ZP4: variants seen among roughly 807,000 people sequenced by gnomAD.
ZP4 encodes the protein zona pellucida sperm-binding protein 4.
Under a neutral mutation model 62.3 loss-of-function variants are expected in ZP4, and 62 were observed. The ratio of observed to expected loss-of-function variants is 0.99; its 90% CI spans 0.81 to 1.23. ZP4 has a LOEUF of 1.23. Among genes scored for constraint, ZP4 ranks in the 50% most tolerant of loss-of-function variants. The probability of loss-of-function intolerance (pLI) is 0.00; values close to 1 mark genes in which losing one functional copy is unlikely to be tolerated. For missense variants in ZP4, 774 were observed against 656.0 expected (o/e 1.18, Z -1.97); for synonymous variants, 289 against 247.3 (o/e 1.17, Z -1.58).
Position 237,885,749 on chromosome 1 carries a change from G to T in ZP4, c.970+7C>A. ...TAGGCCAGATACTCCAGCCAAGGGG[G>T]TCATACCTTTGGCAATCTGAAGTTC... On this transcript the variant is annotated splice_region_variant and intron_variant, in intron 7 of 11. Coordinates refer to ENST00000366570, the MANE Select transcript of ZP4 (RefSeq NM_021186.5). 1 of 1,613,990 alleles carries T rather than the reference G, an allele frequency of 6.2e-7. No individual in the cohort carries two copies. Among genetic ancestry groups the T allele is most frequent in the Non-Finnish European group, 8.5e-7 (1 of 1,179,958 alleles).
In ZP4 at chr1:237,885,197, G is replaced by C. The variant is rs762924554; in HGVS notation, c.1279C>G (p.Pro427Ala). The change falls in exon 9 of 12, where the codon CCT (proline) becomes GCT (alanine). Residue 427 changes from proline (P) to alanine (A), a missense_variant. Physicochemically the swap from Pro to Ala is conservative, Grantham distance 27. Coordinates refer to ENST00000366570, the MANE Select transcript of ZP4 (RefSeq NM_021186.5). ...CTGAGGGCCTGTTTCTCCACTGTAG[G>C]GTTCACAAAGCTGAAGGTGAAGATG... The part of the protein sequence containing the change: ...FSIFTFSFVN[P>A]TVEKQALRGP... The C allele has an allele frequency of 3.7e-6, 6 of 1,614,114 alleles. No homozygotes were observed. The South Asian group carries it at 6.6e-5, about 18-fold the overall frequency.
At chr1:237,882,924 G>A (rs1664950755) in intron 10 of ZP4, 78 bp from the exon 11 acceptor site, 3 of 1,218,562 alleles carry the variant, frequency 2.5e-6, no homozygotes, top group Non-Finnish European at 3.5e-6. Context: ...ATGGTGCAAG[G>A]CCAAGTGTCT....
intron 7 of ZP4, 30 bp from the exon 8 acceptor site, chr1:237,885,610 T>G: frequency 2.5e-6 from 4 of 1,606,914 alleles, no homozygotes; most frequent in Non-Finnish European, 3.4e-6. Context: ...GGATTTGAAG[T>G]AGTAATCTCT....
chr1:237,883,624 G>C (rs1363365545), intron 10 of ZP4, among the ~76,000 whole-genome samples: 1 of 40,416 alleles, frequency 2.5e-5, no homozygotes, highest in African/African-American at 2.3e-4. Flanking sequence ...TGAGGTGGGA[G>C]AGAGGGGGAG....
chr1:237,886,347 G>A (rs938216039), intron 6 of ZP4, among the ~76,000 whole-genome samples: 1 of 152,116 alleles, frequency 6.6e-6, no homozygotes, highest in South Asian at 2.1e-4. Flanking sequence ...GATGAAGTAG[G>A]AGCTGTTTTA....
At chr1:237,890,321 A>T in intron 1 of ZP4, 140 bp downstream of exon 1, 1 of 1,493,180 alleles carries the variant, frequency 6.7e-7, no homozygotes, top group Admixed American at 1.9e-5. Context: ...ATGTAGTTAT[A>T]ACTTAGACTA....
Position 237,887,499 on chromosome 1 carries a change from G to A in ZP4, c.616C>T (p.Pro206Ser). 6.2e-7 allele frequency: 1 copy of A among 1,614,184 alleles called. No individual in the cohort carries two copies. The highest frequency in any genetic ancestry group is 8.5e-7 in the Non-Finnish European group (1 of 1,180,034). Reference protein sequence around the residue: ...SIAVSRNVTSPPLLLDSVRLA... With the variant: ...SIAVSRNVTSSPLLLDSVRLA... ...CGCACAGAATCCAAGAGCAGTGGTGGCGAGGTCACGTTCCGAGACACAGCA... is the reference window on the plus strand; with the variant it reads ...CGCACAGAATCCAAGAGCAGTGGTGACGAGGTCACGTTCCGAGACACAGCA... The change falls in exon 5 of 12, where the codon CCA (proline) becomes TCA (serine). Residue 206 changes from proline to serine, a missense_variant. Pro to Ser is a moderately conservative substitution (Grantham distance 74). Coordinates refer to ENST00000366570, the MANE Select transcript of ZP4 (RefSeq NM_021186.5).
Position 237,882,816 on chromosome 1 carries a change from T to G in ZP4, c.1421A>C (p.Asn474Thr). 6.2e-7 allele frequency: 1 copy of G among 1,614,042 alleles called. No homozygotes were observed. The highest frequency in any genetic ancestry group is 8.5e-7 in the Non-Finnish European group (1 of 1,179,972). ...RRRNFDNSSQ[N>T]TTASVSSKGP... ...TTTGCTAGAAACACTAGCAGTAGTG[T>G]TCTGAGAACTGTTGTCAAAATTTCT... Residue 474 changes from asparagine (N) to threonine (T), a missense_variant, in exon 11 of 12, where the codon AAC becomes ACC. Physicochemically the swap from Asn to Thr is moderately conservative, Grantham distance 65. Coordinates refer to ENST00000366570, the MANE Select transcript of ZP4 (RefSeq NM_021186.5).
rs375041813 is a variant in ZP4 at position 237,889,928 on chromosome 1, G to A, written c.339C>T (p.Gly113=). Residue 113 remains glycine (G), a synonymous_variant, in exon 3 of 12, where the codon GGC becomes GGT. Coordinates refer to ENST00000366570, the MANE Select transcript of ZP4 (RefSeq NM_021186.5). ...YIMPVGVEGA[G]AAEHKVVTER... ...CTGTAACCACCTTGTGTTCAGCCGC[G>A]CCTGCTCCTTCAACTCCAACTGGCA... 3.8e-5 allele frequency: 61 copies of A among 1,613,646 alleles called. No homozygotes were observed. In the East Asian group the frequency reaches 4.2e-4, roughly 11 times the overall value.
chr1:237,883,869 C>T (rs115986156), intron 10 of ZP4, among the ~76,000 whole-genome samples: 2,473 of 146,732 alleles, frequency 0.017, 63 homozygotes, highest in African/African-American at 0.056. Flanking sequence ...CTGAACTGGG[C>T]GTATCACCTG....
intron 4 of ZP4, 90 bp from the exon 5 acceptor site, chr1:237,887,651 C>A: frequency 7.3e-7 from 1 of 1,366,638 alleles, no homozygotes; most frequent in Non-Finnish European, 9.9e-7. Context: ...TACTTTTAAT[C>A]CCACTGAGAA....
chr1:237,889,057 A>C (rs979140710), intron 3 of ZP4, among the ~76,000 whole-genome samples: 3 of 152,154 alleles, frequency 2.0e-5, no homozygotes, highest in African/African-American at 7.2e-5. Flanking sequence ...AGTAGGCATC[A>C]TACTTCCTGC....
chr1:237,890,079 A>G lies in ZP4; in HGVS notation c.273T>C (p.Tyr91=), dbSNP rs1665204077. ...PGSSVVLEAT[Y]SSCYVTEWDS... Reference sequence around the variant, plus strand: ...CCCACTCAGTGACATAGCAGCTGCTATAGGTTGCCTCCAACACCACGGAGC... The same window carrying G: ...CCCACTCAGTGACATAGCAGCTGCTGTAGGTTGCCTCCAACACCACGGAGC... The change falls in exon 2 of 12, where the codon TAT becomes TAC. Residue 91 remains tyrosine (Y), a synonymous_variant. Coordinates refer to ENST00000366570, the MANE Select transcript of ZP4 (RefSeq NM_021186.5). 5 of 1,614,076 alleles carry G rather than the reference A, an allele frequency of 3.1e-6. No homozygotes were observed. Among genetic ancestry groups the G allele is most frequent in the Non-Finnish European group, 3.4e-6 (4 of 1,179,992 alleles).
intron 10 of ZP4, 48 bp from the exon 11 acceptor site, chr1:237,882,894 G>A (rs1425464598): frequency 4.6e-6 from 7 of 1,529,134 alleles, no homozygotes; most frequent in East Asian, 2.3e-5. Flanking sequence ...TGCACACATA[G>A]GGCAGGGATA....
At chr1:237,888,223 A>C in intron 4 of ZP4, 135 bp downstream of exon 4, 1 of 811,550 alleles carries the variant, frequency 1.2e-6, no homozygotes, top group Non-Finnish European at 1.8e-6. Flanking sequence ...CATTGGGATC[A>C]AGTGTTCTTG....
rs1200121490 is a variant in ZP4 at position 237,886,751 on chromosome 1, C to T, written c.839+20G>A. On this transcript the variant is annotated intron_variant, in intron 6 of 11. Transcript: ENST00000366570. The stretch of plus-strand genomic sequence containing the variant: ...GCCCACCTTATGGCAGATGGGAAGT[C>T]ATTCTGGCCAAGCCCTTACCTGAAG... 1 of 1,607,458 alleles carries T rather than the reference C, an allele frequency of 6.2e-7. No homozygotes were observed. Among genetic ancestry groups the T allele is most frequent in the Non-Finnish European group, 8.5e-7 (1 of 1,175,136 alleles).
chr1:237,883,975 C>CAA (rs1558530722), intron 10 of ZP4, among the ~76,000 whole-genome samples: 35 of 40,944 alleles, frequency 8.5e-4, no homozygotes, highest in African/African-American at 4.0e-3. Context: ...CAAACACACA[C>CAA]ACACACAAAC....
In ZP4 at chr1:237,883,254, T is replaced by G. The variant is rs566393340; in HGVS notation, c.1391-408A>C. ...TAAAACAAATTTCATTCACTTGAAA[T>G]ATACAGTTTTACGTTTTCTGTATCC... On this transcript the variant is annotated intron_variant, in intron 10 of 11. Transcript: ENST00000366570. Among the ~76,000 whole-genome samples, 9 of 152,190 alleles carry G rather than the reference T, an allele frequency of 5.9e-5. No individual in the cohort carries two copies. The East Asian group carries it at 1.8e-3, about 30-fold the overall frequency.
In ZP4 at chr1:237,882,757, G is replaced by A. The variant is rs1343427445; in HGVS notation, c.1480C>T (p.Pro494Ser). ...PMILLQATKD[P>S]PEKLRVPVDS... ...GGATACTTACGGAGCTTTTCTGGAG[G>A]GTCCTTAGTGGCTTGGAGTAGAATC... The change falls in exon 11 of 12, where the codon CCT (proline) becomes TCT (serine). Residue 494 changes from proline to serine, a missense_variant. Transcript: ENST00000366570. 53 of 1,613,944 alleles carry A rather than the reference G, an allele frequency of 3.3e-5. No homozygotes were observed. The highest frequency in any genetic ancestry group is 4.2e-5 in the Non-Finnish European group (50 of 1,180,004).
Sources: gnomAD v4.1 joint callset for allele counts (sites outside exome capture counted in the v4.1 genomes callset) on GRCh38, gnomAD v4.1.1 for gene constraint, MANE v1.5 for transcripts, NCBI Gene and HGNC (gene_info 2026-07-23, HGNC 2026-07-21) for gene names.